Variants in ATAD5 observed in about 807,000 individuals in gnomAD.
The protein encoded by ATAD5 is ATPase family AAA domain-containing protein 5.
In ATAD5, 58 loss-of-function variants were observed where a neutral mutation model predicts 176.9. The observed-to-expected ratio is 0.33, with a 90% confidence interval of 0.27 to 0.41. The LOEUF is 0.41. Among genes scored for constraint, ATAD5 ranks in the 10% least tolerant of loss-of-function variants. The pLI is 1.00. For synonymous variants in ATAD5, 640 were observed against 712.6 expected, an observed-to-expected ratio of 0.90 and a Z score of 1.62; for missense variants, 1,789 against 2,094.1, an observed-to-expected ratio of 0.85 and a Z score of 2.84.
At chr17:30,841,362 G>T (rs1247033097) in intron 4 of ATAD5, among the ~76,000 whole-genome samples, 1 of 152,086 alleles carries the variant, frequency 6.6e-6, no homozygotes, top group Non-Finnish European at 1.5e-5. Context: ...AGTTTTCACG[G>T]TATTTGTTTT....
At position 30,832,174 on chromosome 17, in the gene ATAD5, T is replaced by G; in HGVS notation, c.-174T>G. 2.3e-6 allele frequency: 1 copy of G among 426,708 alleles called. No homozygotes were observed. The highest frequency in any genetic ancestry group is 4.1e-6 in the Non-Finnish European group (1 of 242,146). 26.4% of individuals were successfully genotyped at this position (426,708 alleles called of 1,614,324 possible). On this transcript the variant is annotated 5_prime_UTR_variant, in exon 1 of 23. Coordinates refer to ENST00000321990, the MANE Select transcript of ATAD5 (RefSeq NM_024857.5). The stretch of plus-strand genomic sequence containing the variant: ...CTCTTTCCGTGTTCGATTCGGCTGA[T>G]CTGGGCCCAGCCTCCGCTCCCGCTC...
chr17:30,876,307 C>T, intron 14 of ATAD5, 67 bp from the exon 15 acceptor site: 4 of 1,372,234 alleles, frequency 2.9e-6, no homozygotes, highest in East Asian at 4.9e-5. Context: ...CAGAATGTGG[C>T]TAACTGTCTT....
intron 7 of ATAD5, 112 bp from the exon 8 acceptor site, chr17:30,856,843 A>G: frequency 1.0e-6 from 1 of 984,340 alleles, no homozygotes; most frequent in Non-Finnish European, 1.4e-6. Context: ...GGTTTTTGGT[A>G]TGTTTGTGTT....
Position 30,832,268 on chromosome 17 carries a change from G to T in ATAD5, c.-80G>T. On this transcript the variant is annotated 5_prime_UTR_variant, in exon 1 of 23. Coordinates refer to ENST00000321990, the MANE Select transcript of ATAD5 (RefSeq NM_024857.5). ...CCCAGCAGCTTGCTGCTACTGGAGC[G>T]GGCCGCCTCCATGGCCTCCAGGCAG... 1 of 1,297,660 alleles carries T rather than the reference G, an allele frequency of 7.7e-7. No homozygotes were observed. The highest frequency in any genetic ancestry group is 2.2e-5 in the South Asian group (1 of 45,134). 80.4% of individuals were successfully genotyped at this position (1,297,660 alleles called of 1,614,324 possible). A position where few individuals can be genotyped will look rare whatever the true frequency, so the allele number is the denominator to read the frequency against.
intron 12 of ATAD5, among the ~76,000 whole-genome samples, chr17:30,868,704 A>G (rs1908150943): frequency 6.6e-6 from 1 of 151,060 alleles, no homozygotes; most frequent in Non-Finnish European, 1.5e-5. Flanking sequence ...ATGGGGTTTC[A>G]CCATCTTGGC....
rs77256126 is a variant in ATAD5, at chr17:30,892,622, A to G, written c.4274A>G (p.Asn1425Ser). 36 of 1,555,670 alleles carry G rather than the reference A, an allele frequency of 2.3e-5. No homozygotes were observed. The East Asian group carries it at 7.6e-4, about 33-fold the overall frequency. The change falls in exon 20 of 23, where the codon AAT becomes AGT. Residue 1425 changes from asparagine to serine, a missense_variant. Physicochemically the swap from Asn to Ser is conservative, Grantham distance 46 (BLOSUM62 1). Transcript: ENST00000321990. Reference sequence around the variant, plus strand: ...TATTTTGTAGGTGGAAATAGCAGAAATGTACAACTAGTTTGCTCTGAACAT... The same window carrying G: ...TATTTTGTAGGTGGAAATAGCAGAAGTGTACAACTAGTTTGCTCTGAACAT... ...PLTLYRGNSR[N>S]VQLVCSEHGL... is the part of the protein sequence containing the mutation.
At chr17:30,876,702 CTTTTTTTTTTTT>C (rs202065630) in intron 15 of ATAD5, 152 bp downstream of exon 15, 8 of 127,774 alleles carry the variant, frequency 6.3e-5, no homozygotes, top group Non-Finnish European at 8.6e-5. Context: ...ATTTTGTTTC[CTTTTTTTTTTTT>C]TTTTTTTTTT....
At chr17:30,866,151 T>G (rs2060217807) in intron 11 of ATAD5, among the ~76,000 whole-genome samples, 2 of 151,168 alleles carry the variant, frequency 1.3e-5, no homozygotes, top group Non-Finnish European at 2.9e-5. Flanking sequence ...TTACATGAAA[T>G]TTGTTACACC....
chr17:30,870,561 C>CT (rs1336478943), intron 14 of ATAD5, among the ~76,000 whole-genome samples: 11 of 152,194 alleles, frequency 7.2e-5, no homozygotes, highest in African/African-American at 2.4e-4. Context: ...TTATAATTCT[C>CT]TTTTTTGCAT....
chr17:30,894,224 A>G lies in ATAD5; in HGVS notation c.5297+74A>G, dbSNP rs912544380. 50 of 1,252,836 alleles carry G rather than the reference A, an allele frequency of 4.0e-5. 1 individual carries two copies. In the South Asian group the frequency reaches 7.9e-4, roughly 20 times the overall value. The allele number at this position is 1,252,836 out of a possible 1,614,324, so 77.6% of individuals were successfully genotyped here. On this transcript the variant is annotated intron_variant, in intron 21 of 22. Transcript: ENST00000321990. ...GGGGAAATCAATAGAGTTTTTTCTT[A>G]ATTTAAAAATGCTGTACTATTGATC...
intron 6 of ATAD5, among the ~76,000 whole-genome samples, chr17:30,854,229 A>G (rs974238427): frequency 2.0e-5 from 3 of 147,280 alleles, no homozygotes; most frequent in African/African-American, 7.4e-5. Context: ...TATAAATTAT[A>G]TAATTATATT....
At chr17:30,837,933 T>C (rs965599545) in intron 3 of ATAD5, among the ~76,000 whole-genome samples, 1 of 152,194 alleles carries the variant, frequency 6.6e-6, no homozygotes, top group African/African-American at 2.4e-5. Flanking sequence ...TTCTATAGAT[T>C]ATAGAGACTG....
intron 14 of ATAD5, among the ~76,000 whole-genome samples, chr17:30,874,669 C>T (rs1424800892): frequency 2.1e-5 from 3 of 144,330 alleles, no homozygotes; most frequent in Non-Finnish European, 3.0e-5. Flanking sequence ...CTTGGTCTGT[C>T]GCCCAGGCAG....
chr17:30,843,931 G>GATTCAA lies in ATAD5; in HGVS notation c.2261_2266dup (p.Ser755_Ser756insAsnSer), dbSNP rs749937441. 6 of 1,421,472 alleles carry GATTCAA rather than the reference G, an allele frequency of 4.2e-6. No individual in the cohort carries two copies. The South Asian group carries it at 8.3e-5, about 20-fold the overall frequency. The allele number at this position is 1,421,472 out of a possible 1,614,324, so 88.1% of individuals were successfully genotyped here. On this transcript the variant is annotated inframe_insertion, in exon 5 of 23. Transcript: ENST00000321990. Reference sequence around the variant, plus strand: ...GTCTTAGGATTCTGTTATAATAATAGATTCAAGTCCTACTGCTTTAAAGCA... The same window carrying GATTCAA: ...GTCTTAGGATTCTGTTATAATAATAGATTCAAATTCAAGTCCTACTGCTTTAAAGCA...
chr17:30,887,564 T>C (rs1057250776), intron 19 of ATAD5, among the ~76,000 whole-genome samples, 192 bp downstream of exon 19: 2 of 152,084 alleles, frequency 1.3e-5, no homozygotes, highest in Non-Finnish European at 2.9e-5. Context: ...CAAGAAAATT[T>C]ATGGGAGGCC....
rs1398622756 is a variant in ATAD5 at position 30,855,244 on chromosome 17, C to G, written c.2552C>G (p.Ala851Gly). The part of the protein sequence containing the change: ...GLPDLLKRQI[A>G]KKAAALDVYN... ...CCAGATTTGTTGAAACGGCAAATTG[C>G]AAAGAAAGCTGCTGCGCTGGATGTG... Residue 851 changes from alanine to glycine, a missense_variant, in exon 7 of 23, where the codon GCA (alanine) becomes GGA (glycine). Physicochemically the swap from Ala to Gly is moderately conservative, Grantham distance 60. This residue lies in a region of ATAD5 where 487 missense variants were observed against 573.6 expected (regional missense o/e 0.85). Transcript: ENST00000321990. 1.9e-6 allele frequency: 3 copies of G among 1,613,946 alleles called. No individual in the cohort carries two copies. In the Admixed American group the frequency reaches 5.0e-5, roughly 27 times the overall value.
At chr17:30,873,577 T>TG (rs1908464308) in intron 14 of ATAD5, among the ~76,000 whole-genome samples, 1 of 152,038 alleles carries the variant, frequency 6.6e-6, no homozygotes, top group Non-Finnish European at 1.5e-5. Flanking sequence ...CTTGGATTCT[T>TG]GAAGTGCTGG....
At position 30,895,783 on chromosome 17, in the gene ATAD5, T is replaced by G. The variant is rs904406538; in HGVS notation, c.*870T>G. ...TGAAGATAGATATTTTTACCTCTTATTTGTTCAATTTACTTTTTCTTGTAT... is the reference window on the plus strand; with the variant it reads ...TGAAGATAGATATTTTTACCTCTTAGTTGTTCAATTTACTTTTTCTTGTAT... On this transcript the variant is annotated 3_prime_UTR_variant, in exon 23 of 23. Transcript: ENST00000321990. 2 of 152,178 alleles carry G rather than the reference T, an allele frequency of 1.3e-5. No individual in the cohort carries two copies. Among genetic ancestry groups the G allele is most frequent in the Non-Finnish European group, 2.9e-5 (2 of 68,022 alleles). 9.4% of individuals were successfully genotyped at this position (152,178 alleles called of 1,614,324 possible). A position where few individuals can be genotyped will look rare whatever the true frequency, so the allele number is the denominator to read the frequency against.
intron 3 of ATAD5, among the ~76,000 whole-genome samples, 178 bp downstream of exon 3, chr17:30,837,492 A>G (rs1407032823): frequency 6.6e-6 from 1 of 152,210 alleles, no homozygotes; most frequent in Non-Finnish European, 1.5e-5. Context: ...TAGTTAATTA[A>G]GATATCTTAT....
Sources: allele counts gnomAD v4.1 joint callset (sites outside exome capture counted in the v4.1 genomes callset), GRCh38; gene constraint gnomAD v4.1.1; regional missense constraint gnomAD v4.1.1; transcripts MANE v1.5; gene names NCBI Gene and HGNC (gene_info 2026-07-23, HGNC 2026-07-21).